The following SLC47A2 variants were observed in gnomAD, a reference collection of about 807,000 sequenced individuals.
The protein encoded by SLC47A2 is solute carrier family 47 member 2.
Under a neutral mutation model 67.7 loss-of-function variants are expected in SLC47A2, and 52 were observed. The observed-to-expected ratio is 0.77, with a 90% CI of 0.61 to 0.97. The LOEUF (loss-of-function observed/expected upper bound fraction) is 0.97. Among genes scored for constraint, SLC47A2 ranks in the 50% least tolerant of loss-of-function variants. The pLI is 0.00. For synonymous variants in SLC47A2, 278 were observed against 292.9 expected, an observed-to-expected ratio of 0.95 and a Z score of 0.52; for missense variants, 676 against 712.3, an observed-to-expected ratio of 0.95 and a Z score of 0.58.
Position 19,678,603 on chromosome 17 carries a change from A to C in SLC47A2, c.*83T>G, listed in dbSNP as rs923002990. On this transcript the variant is annotated 3_prime_UTR_variant, in exon 17 of 17. Transcript: ENST00000433844. ...AAAGTGTCCACCTGCACTAGACCCCATTGGTGTTTTTGCAGGGCAGACCGT... is the reference window on the plus strand; with the variant it reads ...AAAGTGTCCACCTGCACTAGACCCCCTTGGTGTTTTTGCAGGGCAGACCGT... 8.5e-6 allele frequency: 12 copies of C among 1,415,648 alleles called. No individual in the cohort carries two copies. The highest frequency in any genetic ancestry group is 1.4e-5 in the African/African-American group (1 of 71,004). 87.7% of individuals were successfully genotyped at this position (1,415,648 alleles called of 1,614,324 possible). A position where few individuals can be genotyped will look rare whatever the true frequency, so the allele number is the denominator to read the frequency against.
chr17:19,711,310 G>GA (rs2086087212), intron 5 of SLC47A2, among the ~76,000 whole-genome samples: 1 of 151,614 alleles, frequency 6.6e-6, no homozygotes, highest in African/African-American at 2.4e-5. Flanking sequence ...AAGAAATGCA[G>GA]GCCAGGCGTG....
At chr17:19,687,622 AAAGAG>A (rs2085456377) in intron 13 of SLC47A2, among the ~76,000 whole-genome samples, 1 of 152,158 alleles carries the variant, frequency 6.6e-6, no homozygotes, top group Non-Finnish European at 1.5e-5. Flanking sequence ...TGAAGAAAAA[AAAGAG>A]AAAAGATCCA....
chr17:19,685,325 C>T lies in SLC47A2; in HGVS notation c.1165-3655G>A, dbSNP rs2085403687. ...TGCCCATCGTCTGGGATGTGAGGAG[C>T]CCCTGTGCCTGGCCACCCCATCTGG... On this transcript the variant is annotated intron_variant, in intron 13 of 16. Coordinates refer to ENST00000433844, the MANE Select transcript of SLC47A2 (RefSeq NM_001099646.3). The surrounding 1 kb of genome is among the most constrained non-coding windows in gnomAD (Gnocchi z 4.5). 6.6e-6 allele frequency among the ~76,000 whole-genome samples: 1 copy of T among 152,108 alleles called. No individual in the cohort carries two copies. The highest frequency in any genetic ancestry group is 2.1e-4 in the South Asian group (1 of 4,818).
Position 19,678,574 on chromosome 17 carries a change from G to C in SLC47A2, c.*112C>G. The C allele has an allele frequency of 8.8e-7, 1 of 1,138,972 alleles. No individual in the cohort carries two copies. The allele number at this position is 1,138,972 out of a possible 1,614,324, so 70.6% of individuals were successfully genotyped here. A position where few individuals can be genotyped will look rare whatever the true frequency, so the allele number is the denominator to read the frequency against. On this transcript the variant is annotated 3_prime_UTR_variant, in exon 17 of 17. Transcript: ENST00000433844. ...GCCAAAGTTCTTTTTTTGAGGAGTG[G>C]TTCAAAGTGTCCACCTGCACTAGAC...
intron 16 of SLC47A2, among the ~76,000 whole-genome samples, chr17:19,679,185 A>G (rs2085256513): frequency 6.6e-6 from 1 of 152,210 alleles, no homozygotes; most frequent in South Asian, 2.1e-4. Context: ...TGGCCCTGTG[A>G]TGATCTGTGG....
chr17:19,697,221 C>G (rs909147931), intron 13 of SLC47A2, among the ~76,000 whole-genome samples: 3 of 152,148 alleles, frequency 2.0e-5, no homozygotes, highest in Admixed American at 1.3e-4. Flanking sequence ...TGGCATGAAC[C>G]CGGGAGGTGG....
chr17:19,714,078 CCGGCGGCCT>C, intron 3 of SLC47A2, 105 bp from the exon 4 acceptor site: 1 of 1,456,502 alleles, frequency 6.9e-7, no homozygotes, highest in South Asian at 1.4e-5. Flanking sequence ...TGTGGCGGAC[CCGGCGGCCT>C]CTGGTGACCA....
chr17:19,716,887 G>T (rs2086282363), upstream of SLC47A2: 2 of 270,076 alleles, frequency 7.4e-6, no homozygotes, highest in Non-Finnish European at 1.4e-5. Context: ...GCTGTGGGAG[G>T]TGTGCTGAGG....
At chr17:19,681,994 CTT>C (rs1181884217) in intron 13 of SLC47A2, among the ~76,000 whole-genome samples, 1 of 152,192 alleles carries the variant, frequency 6.6e-6, no homozygotes, top group Admixed American at 6.5e-5. Context: ...ACTGGACTAA[CTT>C]CACATGATAC....
chr17:19,683,718 C>T (rs2085362481), intron 13 of SLC47A2, among the ~76,000 whole-genome samples: 1 of 152,192 alleles, frequency 6.6e-6, no homozygotes, highest in Non-Finnish European at 1.5e-5. Flanking sequence ...ACAGCTGGAA[C>T]TCTGAATACG....
intron 13 of SLC47A2, among the ~76,000 whole-genome samples, chr17:19,690,281 T>G (rs2085511800): frequency 6.6e-6 from 1 of 152,296 alleles, no homozygotes; most frequent in Non-Finnish European, 1.5e-5. Context: ...CAAAATGGAC[T>G]AAAGACTTGA....
chr17:19,712,585 C>T (rs2086129849), intron 5 of SLC47A2, 118 bp downstream of exon 5: 4 of 1,065,396 alleles, frequency 3.8e-6, no homozygotes, highest in Non-Finnish European at 5.7e-6. Context: ...CAGTCACCCT[C>T]ATGGCCCAGC....
chr17:19,707,688 G>T (rs1244615928), intron 8 of SLC47A2, 58 bp downstream of exon 8: 2 of 1,453,572 alleles, frequency 1.4e-6, no homozygotes, highest in Admixed American at 3.9e-5. Flanking sequence ...CTGCCCCAAG[G>T]CTAGGGCAGC....
At chr17:19,706,226 G>A (rs369343220) in intron 9 of SLC47A2, among the ~76,000 whole-genome samples, 1 of 152,118 alleles carries the variant, frequency 6.6e-6, no homozygotes, top group Admixed American at 6.5e-5. Flanking sequence ...TCACTTCACC[G>A]AGTGCTCTAA....
intron 1 of SLC47A2, 70 bp from the exon 2 acceptor site, chr17:19,715,287 C>T: frequency 7.0e-7 from 1 of 1,434,802 alleles, no homozygotes; most frequent in Non-Finnish European, 9.6e-7. Context: ...CAAGACAGGC[C>T]TCTCCAGCTT....
At chr17:19,707,713 G>T in intron 8 of SLC47A2, 33 bp downstream of exon 8, 4 of 1,554,988 alleles carry the variant, frequency 2.6e-6, no homozygotes, top group East Asian at 2.4e-5. Flanking sequence ...CCGCTGGCCT[G>T]CTCAGCCTCC....
In SLC47A2 at chr17:19,681,534, A is replaced by G. The variant is rs968860036; in HGVS notation, c.1297+4T>C. On this transcript the variant is annotated splice_donor_region_variant and intron_variant, in intron 14 of 16. Coordinates refer to ENST00000433844, the MANE Select transcript of SLC47A2 (RefSeq NM_001099646.3). ...GCCTCTCCCGACTTCCTCACACCAC[A>G]TACCCATGATTCTCATTCTGACCAC... 1 of 1,614,170 alleles carries G rather than the reference A, an allele frequency of 6.2e-7. No individual in the cohort carries two copies. The highest frequency in any genetic ancestry group is 8.5e-7 in the Non-Finnish European group (1 of 1,180,028).
intron 16 of SLC47A2, 49 bp from the exon 17 acceptor site, chr17:19,678,955 G>A: frequency 4.6e-6 from 7 of 1,517,550 alleles, no homozygotes; most frequent in Non-Finnish European, 6.3e-6. Context: ...GTCAGAGGGA[G>A]AGCTTTGGCC....
At chr17:19,707,903 TGA>T (rs991875990) in intron 7 of SLC47A2, 60 bp from the exon 8 acceptor site, 2 of 1,473,470 alleles carry the variant, frequency 1.4e-6, no homozygotes, top group African/African-American at 1.4e-5. Context: ...CCGCCCTGCC[TGA>T]GAGAGAGGTG....
Sources: allele counts gnomAD v4.1 joint callset (sites outside exome capture counted in the v4.1 genomes callset), GRCh38; gene constraint gnomAD v4.1.1; non-coding constraint Gnocchi (gnomAD v3.1); transcripts MANE v1.5; gene names NCBI Gene and HGNC (gene_info 2026-07-23, HGNC 2026-07-21).